The following CASR variants were observed in gnomAD, a reference collection of about 807,000 sequenced individuals.
CASR encodes extracellular calcium-sensing receptor.
In CASR, 23 loss-of-function variants were observed where a neutral mutation model predicts 69.1. The observed-to-expected ratio is 0.33, with a 90% confidence interval of 0.24 to 0.47. The LOEUF is 0.47. Among genes scored for constraint, CASR ranks in the 20% least tolerant of loss-of-function variants. The pLI, the probability that CASR is intolerant of heterozygous loss-of-function variation, is 1.00. For synonymous variants in CASR, 541 were observed against 544.7 expected (o/e 0.99, Z 0.10); for missense variants, 924 against 1,356.1 (o/e 0.68, Z 5.00).
At position 122,287,554 on chromosome 3, in the gene CASR, A is replaced by T. The variant is rs1218176538; in HGVS notation, c.*2363A>T. 6.6e-6 allele frequency: 1 copy of T among 152,146 alleles called. No homozygotes were observed. The highest frequency in any genetic ancestry group is 1.5e-5 in the Non-Finnish European group (1 of 68,040). 9.4% of individuals were successfully genotyped at this position (152,146 alleles called of 1,614,324 possible). A position where few individuals can be genotyped will look rare whatever the true frequency, so the allele number is the denominator to read the frequency against. On this transcript the variant is annotated 3_prime_UTR_variant, in exon 7 of 7. Transcript: ENST00000639785. ...TCTGAGCCAATTTAGATGTTTGGGGATCAATTCAGAGGTTGTTCCTTCTCC... is the reference window on the plus strand; with the variant it reads ...TCTGAGCCAATTTAGATGTTTGGGGTTCAATTCAGAGGTTGTTCCTTCTCC...
chr3:122,232,478 G>A (rs1249264553), intron 1 of CASR, among the ~76,000 whole-genome samples: 2 of 152,172 alleles, frequency 1.3e-5, no homozygotes, highest in Non-Finnish European at 2.9e-5. Context: ...AGGGGTGGAA[G>A]AGCATTCTGA....
chr3:122,238,393 C>A (rs2074349667), intron 1 of CASR, among the ~76,000 whole-genome samples: 1 of 152,150 alleles, frequency 6.6e-6, no homozygotes, highest in Non-Finnish European at 1.5e-5. Flanking sequence ...GGGGAATCAC[C>A]CACCTAAGCA....
At position 122,290,383 on chromosome 3, in the gene CASR, T is replaced by C. The variant is rs1300464213; in HGVS notation, c.*5192T>C. On this transcript the variant is annotated 3_prime_UTR_variant, in exon 7 of 7. Transcript: ENST00000639785. ...TTTTGGAAGAATGTGATTGTCTTCGTTGATATCAACCCAAAGATGTGGTTA... is the reference window on the plus strand; with the variant it reads ...TTTTGGAAGAATGTGATTGTCTTCGCTGATATCAACCCAAAGATGTGGTTA... 1.3e-5 allele frequency: 2 copies of C among 152,212 alleles called. No individual in the cohort carries two copies. Among genetic ancestry groups the C allele is most frequent in the Admixed American group, 1.3e-4 (2 of 15,286 alleles). 9.4% of individuals were successfully genotyped at this position (152,212 alleles called of 1,614,324 possible).
intron 5 of CASR, among the ~76,000 whole-genome samples, chr3:122,280,278 G>A (rs1051701753): frequency 3.3e-5 from 5 of 152,124 alleles, no homozygotes; most frequent in East Asian, 1.9e-4. Context: ...AAAGCTGGAC[G>A]CATTCCCCTT....
chr3:122,275,603 T>G (rs1480666523), intron 4 of CASR, among the ~76,000 whole-genome samples: 3 of 152,242 alleles, frequency 2.0e-5, no homozygotes, highest in African/African-American at 7.2e-5. Context: ...ATAATTTGAA[T>G]AATAATTAAA....
At chr3:122,233,645 C>T (rs1049878626) in intron 1 of CASR, among the ~76,000 whole-genome samples, 1 of 152,200 alleles carries the variant, frequency 6.6e-6, no homozygotes, top group Non-Finnish European at 1.5e-5. Flanking sequence ...TGGGCTTCCT[C>T]CTTTTATGTC....
rs1239215803 is a variant in CASR at position 122,288,414 on chromosome 3, G to A, written c.*3223G>A. 6.6e-6 allele frequency: 1 copy of A among 152,226 alleles called. No homozygotes were observed. The highest frequency in any genetic ancestry group is 2.4e-5 in the African/African-American group (1 of 41,460). 9.4% of individuals were successfully genotyped at this position (152,226 alleles called of 1,614,324 possible). Reference sequence around the variant, plus strand: ...AGATAATACATTTGTGTTGTTTTAAGCCATGAAGTTTATAGTAATTTGTTT... The same window carrying A: ...AGATAATACATTTGTGTTGTTTTAAACCATGAAGTTTATAGTAATTTGTTT... On this transcript the variant is annotated 3_prime_UTR_variant, in exon 7 of 7. Transcript: ENST00000639785.
intron 1 of CASR, among the ~76,000 whole-genome samples, chr3:122,252,334 GAGAA>G (rs148705769): frequency 0.028 from 1,340 of 48,206 alleles, 61 homozygotes; most frequent in Middle Eastern, 0.058. Flanking sequence ...AAGAAAGAGA[GAGAA>G]AGAAAGAAGA....
At chr3:122,270,001 C>G (rs767431281) in intron 4 of CASR, among the ~76,000 whole-genome samples, 27 of 152,078 alleles carry the variant, frequency 1.8e-4, no homozygotes, top group Non-Finnish European at 2.9e-4. Flanking sequence ...ACCACCACCA[C>G]CAGCTAATTT....
At position 122,261,961 on chromosome 3, in the gene CASR, A is replaced by C. The variant is rs1576858741; in HGVS notation, c.926A>C (p.Gln309Pro). ...AGCTCCTCCCTGATCGCCATGCCTCAGTACTTCCACGTGGTTGGCGGCACC... is the reference window on the plus strand; with the variant it reads ...AGCTCCTCCCTGATCGCCATGCCTCCGTACTTCCACGTGGTTGGCGGCACC... ...WASSSLIAMP[Q>P]YFHVVGGTIG... The change falls in exon 4 of 7, where the codon CAG (glutamine) becomes CCG (proline). Residue 309 changes from glutamine to proline, a missense_variant. Physicochemically the swap from Gln to Pro is moderately conservative, Grantham distance 76. Transcript: ENST00000639785. The C allele has an allele frequency of 6.2e-7, 1 of 1,614,206 alleles. No individual in the cohort carries two copies. The highest frequency in any genetic ancestry group is 1.3e-5 in the African/African-American group (1 of 75,070).
chr3:122,235,732 C>T (rs910500494), intron 1 of CASR, among the ~76,000 whole-genome samples: 4 of 152,150 alleles, frequency 2.6e-5, no homozygotes, highest in Non-Finnish European at 5.9e-5. Context: ...GAGTTCTAGA[C>T]TGCGGTGAGC....
intron 1 of CASR, among the ~76,000 whole-genome samples, chr3:122,252,450 A>AAGAAAGAAAGAAAAAG (rs1553765694): frequency 9.9e-6 from 1 of 100,536 alleles, no homozygotes; most frequent in African/African-American, 4.2e-5. Flanking sequence ...AGAAAGAAAA[A>AAGAAAGAAAGAAAAAG]AAAGAAAAGA....
chr3:122,188,948 T>C (rs2073815033), intron 1 of CASR, among the ~76,000 whole-genome samples: 1 of 152,196 alleles, frequency 6.6e-6, no homozygotes. Flanking sequence ...ACATGTGTGA[T>C]AGTGTTTGTT....
rs1252217545 is a variant in CASR at position 122,194,511 on chromosome 3, C to CA, written c.-243+10707dup. On this transcript the variant is annotated intron_variant, in intron 1 of 6. Coordinates refer to ENST00000639785, the MANE Select transcript of CASR (RefSeq NM_000388.4). ...AAATCAAGCCACACCAACAAGAAGG[C>CA]AAAAAAAATAGGCCAGGTTTCACCC... 2.9e-3 allele frequency among the ~76,000 whole-genome samples: 446 copies of CA among 151,594 alleles called. 4 individuals are homozygous for CA. The highest frequency in any genetic ancestry group is 2.3e-3 in the East Asian group (12 of 5,168).
intron 1 of CASR, among the ~76,000 whole-genome samples, chr3:122,185,187 A>G (rs557604944): frequency 6.6e-6 from 1 of 152,350 alleles, no homozygotes; most frequent in South Asian, 2.1e-4. Flanking sequence ...GTCAAATAAT[A>G]CAAACATTTA....
At chr3:122,254,961 C>G (rs1442177157) in intron 2 of CASR, among the ~76,000 whole-genome samples, 1 of 151,474 alleles carries the variant, frequency 6.6e-6, no homozygotes, top group Admixed American at 6.6e-5. Context: ...CCACCCTCCC[C>G]ACCCCCCATC....
At chr3:122,216,696 C>T (rs1015322009) in intron 1 of CASR, among the ~76,000 whole-genome samples, 1 of 152,088 alleles carries the variant, frequency 6.6e-6, no homozygotes, top group Non-Finnish European at 1.5e-5. Flanking sequence ...CATAAAAGTG[C>T]TCATTAAATG....
intron 4 of CASR, among the ~76,000 whole-genome samples, chr3:122,264,658 A>T (rs1239097635): frequency 6.6e-6 from 1 of 152,196 alleles, no homozygotes; most frequent in Non-Finnish European, 1.5e-5. Flanking sequence ...GGAAAATGGG[A>T]TCAGAACTCT....
intron 1 of CASR, among the ~76,000 whole-genome samples, chr3:122,194,061 A>G (rs772569605): frequency 1.3e-5 from 2 of 152,030 alleles, no homozygotes; most frequent in South Asian, 2.1e-4. Flanking sequence ...TGTCCTGCCC[A>G]TTTCACATGG....
Sources: allele counts gnomAD v4.1 joint callset (sites outside exome capture counted in the v4.1 genomes callset), GRCh38; gene constraint gnomAD v4.1.1; transcripts MANE v1.5; gene names NCBI Gene and HGNC (gene_info 2026-07-23, HGNC 2026-07-21).